C10orf71: variants seen among roughly 807,000 people sequenced by gnomAD.
The protein encoded by C10orf71 is chromosome 10 open reading frame 71, also known as cardiac-enriched FHL2-interacting protein.
For synonymous variants in C10orf71, 758 were observed against 726.3 expected (o/e 1.04, Z -0.70); for missense variants, 1,869 against 1,804.5 (o/e 1.04, Z -0.65).
intron 1 of C10orf71, among the ~76,000 whole-genome samples, chr10:49,307,082 G>T (rs1654620100): frequency 6.6e-6 from 1 of 152,268 alleles, no homozygotes; most frequent in African/African-American, 2.4e-5. Flanking sequence ...TAGGAAGACA[G>T]GGTGAACAGA....
In C10orf71 at chr10:49,325,864, G is replaced by A. The variant is rs770899878; in HGVS notation, c.3319G>A (p.Val1107Ile). ...CTGGGCCAGCTCCAGTCCTGCCAGG[G>A]TCACCCGGAGGGAGGACCTGACCCA... ...SPWASSSPAR[V>I]TRREDLTHAL... Residue 1107 changes from valine (V) to isoleucine (I), a missense_variant, in exon 3 of 3, where the codon GTC becomes ATC. Val to Ile is a conservative substitution (Grantham distance 29, BLOSUM62 3). Transcript: ENST00000374144. 134 of 1,550,192 alleles carry A rather than the reference G, an allele frequency of 8.6e-5. 1 individual carries two copies. Among genetic ancestry groups the A allele is most frequent in the Middle Eastern group, 3.3e-4 (2 of 6,010 alleles).
At position 49,323,724 on chromosome 10, in the gene C10orf71, T is replaced by C. The variant is rs1849149456; in HGVS notation, c.1179T>C (p.Ser393=). The C allele has an allele frequency of 6.2e-7, 1 of 1,613,656 alleles. No homozygotes were observed. The highest frequency in any genetic ancestry group is 1.1e-5 in the South Asian group (1 of 91,070). The change falls in exon 3 of 3, where the codon AGT becomes AGC. Residue 393 remains serine, a synonymous_variant. Coordinates refer to ENST00000374144, the MANE Select transcript of C10orf71 (RefSeq NM_001135196.2). ...KPKTGKKGKE[S]LQDTLEEKTQ... Reference sequence around the variant, plus strand: ...AGACTGGCAAAAAAGGGAAAGAAAGTCTACAAGATACTTTAGAAGAAAAGA... The same window carrying C: ...AGACTGGCAAAAAAGGGAAAGAAAGCCTACAAGATACTTTAGAAGAAAAGA...
At chr10:49,322,170 T>C (rs1341762257) in intron 2 of C10orf71, among the ~76,000 whole-genome samples, 1 of 152,214 alleles carries the variant, frequency 6.6e-6, no homozygotes, top group African/African-American at 2.4e-5. Context: ...GCCACCTGCC[T>C]TATAGAAGAT....
At chr10:49,298,024 G>A (rs544501661), upstream of C10orf71, among the ~76,000 whole-genome samples, 1 of 152,362 alleles carries the variant, frequency 6.6e-6, no homozygotes, top group Non-Finnish European at 1.5e-5. Flanking sequence ...TTAGTCTGCA[G>A]GGCAAGGAGG....
rs1292758561 is a variant in C10orf71 at position 49,326,361 on chromosome 10, C to A, written c.3816C>A (p.Ala1272=). Residue 1272 remains alanine (A), a synonymous_variant, in exon 3 of 3, where the codon GCC becomes GCA. Coordinates refer to ENST00000374144, the MANE Select transcript of C10orf71 (RefSeq NM_001135196.2). The part of the protein sequence containing the change: ...QSLTPLPAYP[A]TQKVLQDPQS... Reference sequence around the variant, plus strand: ...TCACACCCCTGCCCGCGTACCCCGCCACCCAGAAGGTCCTCCAGGATCCGC... The same window carrying A: ...TCACACCCCTGCCCGCGTACCCCGCAACCCAGAAGGTCCTCCAGGATCCGC... 2 of 1,550,404 alleles carry A rather than the reference C, an allele frequency of 1.3e-6. No individual in the cohort carries two copies. Among genetic ancestry groups the A allele is most frequent in the Non-Finnish European group, 1.7e-6 (2 of 1,146,904 alleles).
chr10:49,311,247 C>A (rs1396332493), intron 1 of C10orf71, among the ~76,000 whole-genome samples: 1 of 152,164 alleles, frequency 6.6e-6, no homozygotes, highest in Non-Finnish European at 1.5e-5. Context: ...GTGGGGGACA[C>A]CTGCAATAGG....
Position 49,324,464 on chromosome 10 carries a change from G to T in C10orf71, c.1919G>T (p.Arg640Leu). ...SSWCPDSREH[R>L]PRKHLSLRLC... ...TGGTGTCCAGACTCCAGGGAACACC[G>T]CCCCAGGAAACACCTCTCCCTGAGG... Residue 640 changes from arginine to leucine, a missense_variant, in exon 3 of 3, where the codon CGC becomes CTC. Coordinates refer to ENST00000374144, the MANE Select transcript of C10orf71 (RefSeq NM_001135196.2). 1 of 1,606,908 alleles carries T rather than the reference G, an allele frequency of 6.2e-7. No individual in the cohort carries two copies. Among genetic ancestry groups the T allele is most frequent in the Non-Finnish European group, 8.5e-7 (1 of 1,176,342 alleles).
rs1160780097 is a variant in C10orf71 at position 49,326,777 on chromosome 10, A to T, written c.4232A>T (p.Glu1411Val). 1 of 1,550,656 alleles carries T rather than the reference A, an allele frequency of 6.4e-7. No homozygotes were observed. The highest frequency in any genetic ancestry group is 8.7e-7 in the Non-Finnish European group (1 of 1,146,992). ...PHGPPQSPGEEGVEAPGLGII... is the reference protein window; with the variant it reads ...PHGPPQSPGEVGVEAPGLGII... ...GGTCCTCCCCAGAGCCCAGGAGAGG[A>T]GGGTGTAGAAGCTCCAGGCCTGGGC... Residue 1411 changes from glutamate (E) to valine (V), a missense_variant, in exon 3 of 3, where the codon GAG becomes GTG. Transcript: ENST00000374144.
At chr10:49,300,150 T>C (rs1010947776) in intron 1 of C10orf71, among the ~76,000 whole-genome samples, 1 of 152,190 alleles carries the variant, frequency 6.6e-6, no homozygotes, top group African/African-American at 2.4e-5. Flanking sequence ...TCCCTAAGTA[T>C]AGGAACCTGG....
chr10:49,305,674 G>T (rs1035676114), intron 1 of C10orf71, among the ~76,000 whole-genome samples: 7 of 152,182 alleles, frequency 4.6e-5, no homozygotes, highest in Non-Finnish European at 8.8e-5. Context: ...TGCCACCAGC[G>T]GGTGGGGTCT....
upstream of C10orf71, among the ~76,000 whole-genome samples, chr10:49,298,146 G>A (rs1462545984): frequency 1.3e-5 from 2 of 152,240 alleles, no homozygotes; most frequent in Non-Finnish European, 2.9e-5. Context: ...GCTTGGGGCT[G>A]GGACACAGGT....
At position 49,299,607 on chromosome 10, in the gene C10orf71, T is replaced by C. The variant is rs1379348379; in HGVS notation, c.-248+374T>C. Among the ~76,000 whole-genome samples, 5 of 152,102 alleles carry C rather than the reference T, an allele frequency of 3.3e-5. No homozygotes were observed. In the East Asian group the frequency reaches 5.8e-4, roughly 18 times the overall value. ...GTGGTATGTGTGTGCCGGGAGCCCA[T>C]TGGTGTTGGGGCTAAGGTTCTTGGT... On this transcript the variant is annotated intron_variant, in intron 1 of 2. Coordinates refer to ENST00000374144, the MANE Select transcript of C10orf71 (RefSeq NM_001135196.2).
intron 2 of C10orf71, among the ~76,000 whole-genome samples, chr10:49,317,303 G>A (rs865981041): frequency 6.6e-6 from 1 of 152,174 alleles, no homozygotes; most frequent in South Asian, 2.1e-4. Context: ...AGCAGTGCTG[G>A]CCAGGACCTG....
At chr10:49,304,623 T>C (rs989532609) in intron 1 of C10orf71, among the ~76,000 whole-genome samples, 1 of 152,204 alleles carries the variant, frequency 6.6e-6, no homozygotes, top group Non-Finnish European at 1.5e-5. Flanking sequence ...GTAGAAACCC[T>C]GCCCTCCCGT....
At position 49,325,974 on chromosome 10, in the gene C10orf71, G is replaced by T; in HGVS notation, c.3429G>T (p.Leu1143Phe). Reference protein sequence around the residue: ...DLRTLSPRGSLLDVATSPAGT... With the variant: ...DLRTLSPRGSFLDVATSPAGT... ...GGACCCTCTCTCCAAGAGGTTCATT[G>T]CTGGATGTGGCCACCAGCCCAGCAG... The change falls in exon 3 of 3, where the codon TTG (leucine) becomes TTT (phenylalanine). Residue 1143 changes from leucine to phenylalanine, a missense_variant. Transcript: ENST00000374144. 6.4e-7 allele frequency: 1 copy of T among 1,551,684 alleles called. No homozygotes were observed. Among genetic ancestry groups the T allele is most frequent in the Non-Finnish European group, 8.7e-7 (1 of 1,146,984 alleles).
At chr10:49,319,380 G>T (rs976587189) in intron 2 of C10orf71, among the ~76,000 whole-genome samples, 4 of 151,030 alleles carry the variant, frequency 2.6e-5, no homozygotes, top group Non-Finnish European at 5.9e-5. Flanking sequence ...AGTGTTGCAA[G>T]GATGTGGAGA....
At position 49,301,270 on chromosome 10, in the gene C10orf71, G is replaced by A. The variant is rs544002693; in HGVS notation, c.-248+2037G>A. On this transcript the variant is annotated intron_variant, in intron 1 of 2. Coordinates refer to ENST00000374144, the MANE Select transcript of C10orf71 (RefSeq NM_001135196.2). ...CTGCTGCTCCCCAACAGGGTCCATC[G>A]AGGCTGGAGTGGATTTTGGTTTTAT... Among the ~76,000 whole-genome samples, 21 of 152,324 alleles carry A rather than the reference G, an allele frequency of 1.4e-4. No individual in the cohort carries two copies. The South Asian group carries it at 4.3e-3, about 32-fold the overall frequency.
chr10:49,325,260 T>C lies in C10orf71; in HGVS notation c.2715T>C (p.Phe905=). Residue 905 remains phenylalanine (F), a synonymous_variant, in exon 3 of 3, where the codon TTT becomes TTC. Transcript: ENST00000374144. ...CAGAATGGGGTGAGGATCCTGGGTT[T>C]TGTGCCCCCGAAAACCAGGACATTC... ...PRPEWGEDPG[F]CAPENQDILG... is the part of the protein sequence containing the mutation. 6.4e-7 allele frequency: 1 copy of C among 1,551,758 alleles called. No homozygotes were observed. The highest frequency in any genetic ancestry group is 8.7e-7 in the Non-Finnish European group (1 of 1,147,004).
At chr10:49,309,273 G>A (rs966455135) in intron 1 of C10orf71, among the ~76,000 whole-genome samples, 5 of 152,202 alleles carry the variant, frequency 3.3e-5, no homozygotes, top group Non-Finnish European at 4.4e-5. Context: ...CCTATGGGAA[G>A]TAATTAGGTC....
Sources: gnomAD v4.1 joint callset for allele counts (sites outside exome capture counted in the v4.1 genomes callset) on GRCh38, gnomAD v4.1.1 for gene constraint, MANE v1.5 for transcripts, NCBI Gene and HGNC (gene_info 2026-07-23, HGNC 2026-07-21) for gene names.